MAGI1: variants seen among roughly 807,000 people sequenced by gnomAD.
The protein encoded by MAGI1 is membrane associated guanylate kinase, WW and PDZ domain containing 1.
In MAGI1, 58 loss-of-function variants were observed where a neutral mutation model predicts 139.9. The observed-to-expected ratio is 0.41, with a 90% CI of 0.34 to 0.52. The LOEUF is 0.52. MAGI1 is among the 20% of genes least tolerant of loss of function. The probability of loss-of-function intolerance (pLI) is 0.12; values close to 1 mark genes in which losing one functional copy is unlikely to be tolerated. For synonymous variants in MAGI1, 812 were observed against 737.9 expected (o/e 1.10, Z -1.63); for missense variants, 1,874 against 1,901.6 (o/e 0.99, Z 0.27).
intron 1 of MAGI1, among the ~76,000 whole-genome samples, chr3:65,896,199 G>A (rs2060961249): frequency 6.6e-6 from 1 of 151,910 alleles, no homozygotes; most frequent in Non-Finnish European, 1.5e-5. Context: ...TAAGTAACAG[G>A]ACTCAGACAA....
At chr3:65,448,342 C>T (rs1479518926) in intron 6 of MAGI1, 12 of 526,058 alleles carry the variant, frequency 2.3e-5, no homozygotes, top group African/African-American at 3.8e-5. Flanking sequence ...AATACCTTTG[C>T]GGTTTCAATG....
At chr3:65,952,234 C>A (rs543926874) in intron 1 of MAGI1, among the ~76,000 whole-genome samples, 1 of 152,256 alleles carries the variant, frequency 6.6e-6, no homozygotes, top group South Asian at 2.1e-4. Flanking sequence ...ATCTGTGTGT[C>A]TGTTTGTCAA....
chr3:65,580,519 C>A (rs1254192164), intron 2 of MAGI1, among the ~76,000 whole-genome samples: 1 of 152,134 alleles, frequency 6.6e-6, no homozygotes, highest in Admixed American at 6.5e-5. Flanking sequence ...ATCCTCTGAA[C>A]CAGTTCTTCC....
intron 1 of MAGI1, among the ~76,000 whole-genome samples, chr3:65,698,631 T>C (rs2089379533): frequency 1.3e-5 from 2 of 152,058 alleles, no homozygotes; most frequent in Admixed American, 1.3e-4. Flanking sequence ...TGGGAAAGGA[T>C]TCCCTATTTA....
chr3:65,668,376 C>T (rs1378845298), intron 1 of MAGI1, among the ~76,000 whole-genome samples: 1 of 152,032 alleles, frequency 6.6e-6, no homozygotes, highest in African/African-American at 2.4e-5. Flanking sequence ...ATCAGTCATC[C>T]CCTGCCAGAG....
intron 3 of MAGI1, among the ~76,000 whole-genome samples, chr3:65,485,306 A>G (rs1951557382): frequency 6.6e-6 from 1 of 152,126 alleles, no homozygotes; most frequent in African/African-American, 2.4e-5. Flanking sequence ...GTTCATGCAC[A>G]GAAGGACAAT....
chr3:65,888,221 A>T (rs2060607122), intron 1 of MAGI1, among the ~76,000 whole-genome samples: 1 of 152,200 alleles, frequency 6.6e-6, no homozygotes, highest in Admixed American at 6.5e-5. Context: ...ATTTTTCCTA[A>T]TGGTGACAGG....
chr3:65,500,447 A>G (rs2077037546), intron 2 of MAGI1, among the ~76,000 whole-genome samples: 1 of 152,212 alleles, frequency 6.6e-6, no homozygotes, highest in Non-Finnish European at 1.5e-5. Context: ...TATGGTTCAT[A>G]AACTTGCAGT....
chr3:65,622,704 C>T (rs1338743859), intron 1 of MAGI1, among the ~76,000 whole-genome samples: 1 of 152,116 alleles, frequency 6.6e-6, no homozygotes, highest in African/African-American at 2.4e-5. Context: ...GCTGCGGTTA[C>T]AGGCACCCAC....
At chr3:65,519,913 G>A (rs1045580612) in intron 2 of MAGI1, among the ~76,000 whole-genome samples, 1 of 152,178 alleles carries the variant, frequency 6.6e-6, no homozygotes, top group Non-Finnish European at 1.5e-5. Context: ...GCATGGTGCT[G>A]TGTTACTTCC....
Position 65,384,175 on chromosome 3 carries a change from C to G in MAGI1, c.2417-552G>C, listed in dbSNP as rs1943264295. Reference sequence around the variant, plus strand: ...CTTAAAATAATTAAGGCTAGCAATGCTAATAGGCTTTGTTAGATCATTTTT... The same window carrying G: ...CTTAAAATAATTAAGGCTAGCAATGGTAATAGGCTTTGTTAGATCATTTTT... On this transcript the variant is annotated intron_variant, in intron 14 of 22. Transcript: ENST00000402939. 7.2e-5 allele frequency among the ~76,000 whole-genome samples: 11 copies of G among 152,184 alleles called. No homozygotes were observed. In the South Asian group the frequency reaches 2.3e-3, roughly 32 times the overall value.
intron 1 of MAGI1, among the ~76,000 whole-genome samples, chr3:65,948,342 TGTTTCATAAAACC>T (rs1221444249): frequency 1.3e-5 from 2 of 152,206 alleles, no homozygotes; most frequent in Non-Finnish European, 2.9e-5. Context: ...ATGACTCCCT[TGTTTCATAAAACC>T]CCAAATTTTC....
chr3:65,502,913 T>C (rs949764738), intron 2 of MAGI1, among the ~76,000 whole-genome samples: 9 of 151,780 alleles, frequency 5.9e-5, no homozygotes, highest in Non-Finnish European at 8.8e-5. Context: ...CTTTGGAGGG[T>C]GGGAGTGGTT....
chr3:65,411,698 C>T (rs1446211940), intron 12 of MAGI1, among the ~76,000 whole-genome samples: 2 of 152,092 alleles, frequency 1.3e-5, no homozygotes, highest in South Asian at 2.1e-4. Flanking sequence ...TTTTGCATTG[C>T]TGACTTTTAG....
chr3:65,540,225 G>A (rs2079147600), intron 2 of MAGI1, among the ~76,000 whole-genome samples: 1 of 152,102 alleles, frequency 6.6e-6, no homozygotes, highest in South Asian at 2.1e-4. Flanking sequence ...CAACCAATAG[G>A]AGAGAGACTT....
chr3:66,017,845 T>G (rs1230758055), intron 1 of MAGI1, among the ~76,000 whole-genome samples: 1 of 151,792 alleles, frequency 6.6e-6, no homozygotes, highest in Non-Finnish European at 1.5e-5. Context: ...CATCCCAACT[T>G]TGAAAAGAAA....
At chr3:65,402,709 T>A (rs543327928) in intron 12 of MAGI1, among the ~76,000 whole-genome samples, 1 of 152,132 alleles carries the variant, frequency 6.6e-6, no homozygotes, top group South Asian at 2.1e-4. Context: ...ACAAGTAATA[T>A]GAGGCGAGGC....
chr3:65,608,014 T>G (rs2082840013), intron 2 of MAGI1, among the ~76,000 whole-genome samples: 1 of 152,228 alleles, frequency 6.6e-6, no homozygotes, highest in African/African-American at 2.4e-5. Context: ...AAAGCAGGTA[T>G]CATTAGCCCC....
intron 6 of MAGI1, among the ~76,000 whole-genome samples, chr3:65,449,190 A>G (rs1444168783): frequency 5.3e-5 from 8 of 151,906 alleles, no homozygotes; most frequent in Non-Finnish European, 5.9e-5. Flanking sequence ...GAGTTAATGG[A>G]TGCAGCACAC....
Sources: allele counts gnomAD v4.1 joint callset (sites outside exome capture counted in the v4.1 genomes callset), GRCh38; gene constraint gnomAD v4.1.1; transcripts MANE v1.5; gene names NCBI Gene and HGNC (gene_info 2026-07-23, HGNC 2026-07-21).